The following ABCC12 variants were observed in gnomAD, a reference collection of about 807,000 sequenced individuals.
ABCC12 encodes ATP binding cassette subfamily C member 12.
Under a neutral mutation model 151.1 loss-of-function variants are expected in ABCC12, and 142 were observed. That is an observed-to-expected ratio of 0.94 (90% CI 0.82 to 1.08). The LOEUF (loss-of-function observed/expected upper bound fraction) is 1.08, where lower values mean the gene tolerates loss of function less well. ABCC12 is among the 50% of genes least tolerant of loss of function. The pLI, the probability that ABCC12 is intolerant of heterozygous loss-of-function variation, is 0.00. For missense variants in ABCC12, 1,638 were observed against 1,691.1 expected (o/e 0.97, Z 0.55); for synonymous variants, 645 against 646.4 (o/e 1.00, Z 0.03).
Position 48,083,639 on chromosome 16 carries a change from C to CATT in ABCC12, c.*75_*76insAAT. ...AGACCAGGGCTGCCTGCGGAGAGGA[C>CATT]AGCCCCTCCTCCTGAAGACTCCTCC... On this transcript the variant is annotated 3_prime_UTR_variant, in exon 31 of 31. Transcript: ENST00000311303. 1 of 1,469,250 alleles carries CATT rather than the reference C, an allele frequency of 6.8e-7. No individual in the cohort carries two copies. Among genetic ancestry groups the CATT allele is most frequent in the Non-Finnish European group, 9.4e-7 (1 of 1,061,760 alleles). 91.0% of individuals were successfully genotyped at this position (1,469,250 alleles called of 1,614,324 possible).
chr16:48,120,023 C>T (rs1009278836), intron 13 of ABCC12, among the ~76,000 whole-genome samples: 7 of 152,124 alleles, frequency 4.6e-5, no homozygotes, highest in African/African-American at 1.7e-4. Flanking sequence ...TGGCAATACA[C>T]CAAGCTAAGC....
intron 11 of ABCC12, among the ~76,000 whole-genome samples, chr16:48,125,556 G>A (rs1964212105): frequency 6.6e-6 from 1 of 152,190 alleles, no homozygotes; most frequent in East Asian, 1.9e-4. Context: ...GGTATCTGGG[G>A]AGAATCATTG....
At chr16:48,115,320 G>T in intron 15 of ABCC12, 95 bp downstream of exon 15, 1 of 1,367,000 alleles carries the variant, frequency 7.3e-7, no homozygotes, top group South Asian at 1.3e-5. Flanking sequence ...CCCAGCTGAA[G>T]ACAGGCAGAT....
At chr16:48,106,592 C>A (rs958691389) in intron 20 of ABCC12, among the ~76,000 whole-genome samples, 2 of 152,166 alleles carry the variant, frequency 1.3e-5, no homozygotes, top group African/African-American at 4.8e-5. Flanking sequence ...CTGCACAGAG[C>A]AGGCCACCCA....
At position 48,105,092 on chromosome 16, in the gene ABCC12, C is replaced by A. The variant is rs1361773802; in HGVS notation, c.2673+47G>T. The A allele has an allele frequency of 8.7e-6, 14 of 1,609,914 alleles. No homozygotes were observed. In the East Asian group the frequency reaches 3.1e-4, roughly 36 times the overall value. Reference sequence around the variant, plus strand: ...GGCACACTGCAGGTGCTCCGTATACCTTGTTGACTGAATAACTGGGTACAC... The same window carrying A: ...GGCACACTGCAGGTGCTCCGTATACATTGTTGACTGAATAACTGGGTACAC... On this transcript the variant is annotated intron_variant, in intron 21 of 30. Coordinates refer to ENST00000311303, the MANE Select transcript of ABCC12 (RefSeq NM_001393797.1).
intron 11 of ABCC12, among the ~76,000 whole-genome samples, chr16:48,125,090 C>A (rs1964196690): frequency 6.6e-6 from 1 of 152,102 alleles, no homozygotes; most frequent in South Asian, 2.1e-4. Flanking sequence ...CAGAAACAGA[C>A]CTTGAATCAA....
At chr16:48,096,058 G>A (rs985138487) in intron 24 of ABCC12, among the ~76,000 whole-genome samples, 11 of 152,160 alleles carry the variant, frequency 7.2e-5, no homozygotes, top group African/African-American at 2.7e-4. Context: ...AGTATTAGAG[G>A]GTTGTTGTGG....
In ABCC12 at chr16:48,121,739, A is replaced by G; in HGVS notation, c.1689T>C (p.Phe563=). Residue 563 remains phenylalanine, a synonymous_variant, in exon 13 of 31, where the codon TTT becomes TTC. Transcript: ENST00000311303. ...ACCTTTGGTGATCATACTTTTCTCC[A>G]AAGAGTATGTTTTCTCTCACATTTC... ...FHGNVRENIL[F]GEKYDHQRYQ... 6.2e-7 allele frequency: 1 copy of G among 1,614,142 alleles called. No homozygotes were observed. Among genetic ancestry groups the G allele is most frequent in the Non-Finnish European group, 8.5e-7 (1 of 1,180,016 alleles).
chr16:48,101,120 C>T (rs1412467776), intron 22 of ABCC12, 111 bp from the exon 23 acceptor site: 9 of 1,280,370 alleles, frequency 7.0e-6, no homozygotes, highest in African/African-American at 1.5e-5. Flanking sequence ...AAGTCAGAGA[C>T]GGTGCCATCT....
At chr16:48,137,240 C>T (rs1964641669) in intron 8 of ABCC12, among the ~76,000 whole-genome samples, 1 of 152,138 alleles carries the variant, frequency 6.6e-6, no homozygotes, top group South Asian at 2.1e-4. Flanking sequence ...AAACTCGTGG[C>T]TATTTTTGAG....
intron 24 of ABCC12, among the ~76,000 whole-genome samples, chr16:48,096,017 G>T (rs1258735301): frequency 6.6e-6 from 1 of 152,228 alleles, no homozygotes; most frequent in Non-Finnish European, 1.5e-5. Flanking sequence ...CTGTGGCTCA[G>T]TTTCTTCATC....
intron 12 of ABCC12, 37 bp from the exon 13 acceptor site, chr16:48,121,877 G>T (rs768966189): frequency 2.5e-6 from 4 of 1,612,484 alleles, no homozygotes; most frequent in Non-Finnish European, 3.4e-6. Flanking sequence ...CAGGAGCCAA[G>T]CCTTGAGAAC....
chr16:48,104,328 G>T lies in ABCC12; in HGVS notation c.2714C>A (p.Thr905Asn). Residue 905 changes from threonine (T) to asparagine (N), a missense_variant, in exon 22 of 31, where the codon ACT becomes AAT. Transcript: ENST00000311303. Reference protein sequence around the residue: ...SPMSFFDTTPTGRLMNRFSKD... With the variant: ...SPMSFFDTTPNGRLMNRFSKD... Reference sequence around the variant, plus strand: ...GGAAAAACGGTTCATTAGCCTGCCAGTGGGAGTCGTGTCAAAGAAACTCAT... The same window carrying T: ...GGAAAAACGGTTCATTAGCCTGCCATTGGGAGTCGTGTCAAAGAAACTCAT... 6.2e-7 allele frequency: 1 copy of T among 1,614,256 alleles called. No individual in the cohort carries two copies. Among genetic ancestry groups the T allele is most frequent in the African/African-American group, 1.3e-5 (1 of 75,074 alleles).
intron 3 of ABCC12, among the ~76,000 whole-genome samples, chr16:48,144,851 C>T (rs1819084512): frequency 6.6e-6 from 1 of 152,296 alleles, no homozygotes; most frequent in African/African-American, 2.4e-5. Context: ...TTTCATGATA[C>T]AGTCATGCAT....
In ABCC12 at chr16:48,138,346, G is replaced by A; in HGVS notation, c.861C>T (p.Phe287=). 6.2e-7 allele frequency: 1 copy of A among 1,613,654 alleles called. No individual in the cohort carries two copies. Among genetic ancestry groups the A allele is most frequent in the Non-Finnish European group, 8.5e-7 (1 of 1,179,642 alleles). Residue 287 remains phenylalanine, a synonymous_variant, in exon 8 of 31, where the codon TTC becomes TTT. Coordinates refer to ENST00000311303, the MANE Select transcript of ABCC12 (RefSeq NM_001393797.1). The stretch of plus-strand genomic sequence containing the variant: ...CTGTCACCAAAATTGCTGACCTTCG[G>A]AAAGCTGAATTGAGCTTGGCCATAA... ...QMFMAKLNSA[F]RRSAILVTDK... is the part of the protein sequence containing the mutation.
At chr16:48,138,965 T>A (rs908103350) in intron 7 of ABCC12, among the ~76,000 whole-genome samples, 198 bp downstream of exon 7, 3 of 151,710 alleles carry the variant, frequency 2.0e-5, no homozygotes, top group Admixed American at 6.6e-5. Context: ...CGAGACCCTG[T>A]CACTAAACAA....
chr16:48,111,524 A>G lies in ABCC12; in HGVS notation c.2210-17T>C, dbSNP rs1169704217. 1 of 1,614,216 alleles carries G rather than the reference A, an allele frequency of 6.2e-7. No individual in the cohort carries two copies. Among genetic ancestry groups the G allele is most frequent in the African/African-American group, 1.3e-5 (1 of 75,050 alleles). On this transcript the variant is annotated splice_polypyrimidine_tract_variant and intron_variant, in intron 17 of 30. Coordinates refer to ENST00000311303, the MANE Select transcript of ABCC12 (RefSeq NM_001393797.1). ...GAGCCAAAACTAGGGTGAGAAATAA[A>G]GAGAGATCTGTGTCCATTCAAGCCA...
At chr16:48,087,059 G>T in intron 27 of ABCC12, 1 of 442,066 alleles carries the variant, frequency 2.3e-6, no homozygotes, top group Non-Finnish European at 4.1e-6. Flanking sequence ...ATGACAGGTG[G>T]AACCCTGCCG....
rs573642017 is a variant in ABCC12 at position 48,082,048 on chromosome 16, A to G, written c.*1667T>C. 1.4e-4 allele frequency among the ~76,000 whole-genome samples: 22 copies of G among 152,330 alleles called. No homozygotes were observed. The highest frequency in any genetic ancestry group is 2.5e-4 in the Non-Finnish European group (17 of 68,020). On this transcript the variant is annotated 3_prime_UTR_variant, in exon 31 of 31. Transcript: ENST00000311303. ...TCAGAACGCTGTGGATGTGGGTTTAATGACCTTCAGTCAGGGTCATGCACC... is the reference window on the plus strand; with the variant it reads ...TCAGAACGCTGTGGATGTGGGTTTAGTGACCTTCAGTCAGGGTCATGCACC...
Sources: gnomAD v4.1 joint callset for allele counts (sites outside exome capture counted in the v4.1 genomes callset) on GRCh38, gnomAD v4.1.1 for gene constraint, MANE v1.5 for transcripts, NCBI Gene and HGNC (gene_info 2026-07-23, HGNC 2026-07-21) for gene names.